The following ZNF639 variants were observed in gnomAD, a reference collection of about 807,000 sequenced individuals.
ZNF639 encodes zinc finger amplified in esophageal squamous cell carcinomas 1.
A neutral mutation model predicts 39.8 loss-of-function variants in ZNF639; 20 were observed. That is an observed-to-expected ratio of 0.50 (90% CI 0.35 to 0.73). ZNF639 has a LOEUF of 0.73. Ranked by LOEUF, ZNF639 falls within the 30% of genes least tolerant of loss-of-function variation. The pLI, the probability that ZNF639 is intolerant of heterozygous loss-of-function variation, is 0.00. For synonymous variants in ZNF639, 176 were observed against 189.8 expected, an observed-to-expected ratio of 0.93 and a Z score of 0.60; for missense variants, 477 against 566.2, an observed-to-expected ratio of 0.84 and a Z score of 1.60.
rs1728108946 is a variant in ZNF639 at position 179,334,483 on chromosome 3, A to G, written c.*61A>G. The G allele has an allele frequency of 9.4e-6, 12 of 1,274,330 alleles. No homozygotes were observed. Among genetic ancestry groups the G allele is most frequent in the Non-Finnish European group, 1.3e-5 (12 of 949,038 alleles). The allele number at this position is 1,274,330 out of a possible 1,614,324, so 78.9% of individuals were successfully genotyped here. On this transcript the variant is annotated 3_prime_UTR_variant, in exon 6 of 6. Transcript: ENST00000496856. ...TAATAAATTCATCCTTTTTTTGGAG[A>G]TGATTAAATGGATGATTGTAAACAC...
rs1207504097 is a variant in ZNF639 at position 179,335,889 on chromosome 3, C to G, written c.*1467C>G. ...CATTGCAACCTCCGCCTCCCAGGTT[C>G]AAGTGATTCTGCTGCCTCAGCTTCC... On this transcript the variant is annotated 3_prime_UTR_variant, in exon 6 of 6. Coordinates refer to ENST00000496856, the MANE Select transcript of ZNF639 (RefSeq NM_001303426.2). 1 of 151,388 alleles carries G rather than the reference C, an allele frequency of 6.6e-6. No homozygotes were observed. Among genetic ancestry groups the G allele is most frequent in the South Asian group, 2.1e-4 (1 of 4,804 alleles). The allele number at this position is 151,388 out of a possible 1,614,324, so 9.4% of individuals were successfully genotyped here.
intron 5 of ZNF639, 38 bp downstream of exon 5, chr3:179,333,161 A>G (rs751866577): frequency 6.4e-7 from 1 of 1,568,974 alleles, no homozygotes; most frequent in African/African-American, 1.4e-5. Flanking sequence ...TATATTTTGT[A>G]TTGGTGAATT....
At chr3:179,324,952 A>C (rs191686476) in intron 1 of ZNF639, 2 of 152,228 alleles carry the variant, frequency 1.3e-5, no homozygotes, top group African/African-American at 4.8e-5. Context: ...GAATGCAGTG[A>C]ATTGAGATGG....
At chr3:179,332,360 C>T (rs950340352) in intron 4 of ZNF639, among the ~76,000 whole-genome samples, 8 of 152,184 alleles carry the variant, frequency 5.3e-5, no homozygotes, top group Admixed American at 1.3e-4. Flanking sequence ...TGGTGGCTCA[C>T]GCCTGTAATC....
chr3:179,326,115 G>A (rs994984537), intron 1 of ZNF639, among the ~76,000 whole-genome samples: 7 of 152,116 alleles, frequency 4.6e-5, no homozygotes, highest in African/African-American at 1.4e-4. Flanking sequence ...CGGATCACTT[G>A]AGGTCAGGAG....
At chr3:179,323,736 C>G (rs993170448) in intron 1 of ZNF639, 2 of 152,256 alleles carry the variant, frequency 1.3e-5, no homozygotes, top group African/African-American at 4.8e-5. Context: ...GCTTCGTGAC[C>G]TCCGGCGGCG....
In ZNF639 at chr3:179,338,227, T is replaced by G. The variant is rs1417996517; in HGVS notation, c.*3805T>G. The stretch of plus-strand genomic sequence containing the variant: ...CAATTCAAGTCTGAGATTACCTAAC[T>G]GATGATGTTTATTAACACTTCAGTA... On this transcript the variant is annotated 3_prime_UTR_variant, in exon 6 of 6. Coordinates refer to ENST00000496856, the MANE Select transcript of ZNF639 (RefSeq NM_001303426.2). 1 of 152,220 alleles carries G rather than the reference T, an allele frequency of 6.6e-6. No homozygotes were observed. Among genetic ancestry groups the G allele is most frequent in the African/African-American group, 2.4e-5 (1 of 41,458 alleles). The allele number at this position is 152,220 out of a possible 1,614,324, so 9.4% of individuals were successfully genotyped here.
In ZNF639 at chr3:179,337,266, A is replaced by AG. The variant is rs1353686500; in HGVS notation, c.*2844_*2845insG. On this transcript the variant is annotated 3_prime_UTR_variant, in exon 6 of 6. Coordinates refer to ENST00000496856, the MANE Select transcript of ZNF639 (RefSeq NM_001303426.2). ...ACAGAGTGAGACTGTCTCAAAAAAA[A>AG]AAAAGAAAAGAAGAAAAGATTGCAA... 4.0e-5 allele frequency: 6 copies of AG among 151,496 alleles called. No individual in the cohort carries two copies. Among genetic ancestry groups the AG allele is most frequent in the Non-Finnish European group, 8.8e-5 (6 of 68,024 alleles). The allele number at this position is 151,496 out of a possible 1,614,324, so 9.4% of individuals were successfully genotyped here.
Position 179,337,242 on chromosome 3 carries a change from CAG to C in ZNF639, c.*2823_*2824del, listed in dbSNP as rs1420192557. ...CGCCACCACATTCCAGCCTGGGTGA[CAG>C]AGTGAGACTGTCTCAAAAAAAAAAA... On this transcript the variant is annotated 3_prime_UTR_variant, in exon 6 of 6. Transcript: ENST00000496856. 7.0e-6 allele frequency: 1 copy of C among 143,358 alleles called. No homozygotes were observed. Among genetic ancestry groups the C allele is most frequent in the East Asian group, 2.1e-4 (1 of 4,864 alleles). 8.9% of individuals were successfully genotyped at this position (143,358 alleles called of 1,614,324 possible). A position where few individuals can be genotyped will look rare whatever the true frequency, so the allele number is the denominator to read the frequency against.
intron 1 of ZNF639, among the ~76,000 whole-genome samples, 163 bp downstream of exon 1, chr3:179,323,454 C>T (rs569230062): frequency 1.4e-4 from 22 of 152,284 alleles, no homozygotes; most frequent in Admixed American, 6.5e-5. Flanking sequence ...CCTCCCCCAT[C>T]CCGAAGGCAG....
At position 179,335,979 on chromosome 3, in the gene ZNF639, CGG is replaced by C. The variant is rs1174831141; in HGVS notation, c.*1560_*1561del. Reference sequence around the variant, plus strand: ...GCTAATTTTGTATTTTTAGTAGAAACGGGGTTTCACCACGTTGGCCAGGCTGG... The same window carrying C: ...GCTAATTTTGTATTTTTAGTAGAAACGGTTTCACCACGTTGGCCAGGCTGG... On this transcript the variant is annotated 3_prime_UTR_variant, in exon 6 of 6. Coordinates refer to ENST00000496856, the MANE Select transcript of ZNF639 (RefSeq NM_001303426.2). 1.3e-5 allele frequency: 2 copies of C among 151,948 alleles called. No homozygotes were observed. The highest frequency in any genetic ancestry group is 2.9e-5 in the Non-Finnish European group (2 of 68,014). The allele number at this position is 151,948 out of a possible 1,614,324, so 9.4% of individuals were successfully genotyped here. A position where few individuals can be genotyped will look rare whatever the true frequency, so the allele number is the denominator to read the frequency against.
At chr3:179,329,446 A>G (rs1005937535) in intron 3 of ZNF639, among the ~76,000 whole-genome samples, 172 bp from the exon 4 acceptor site, 1 of 152,226 alleles carries the variant, frequency 6.6e-6, no homozygotes, top group Non-Finnish European at 1.5e-5. Context: ...TCAAAGTCCT[A>G]TGTCAATATT....
In ZNF639 at chr3:179,338,503, T is replaced by G. The variant is rs901720648; in HGVS notation, c.*4081T>G. 58 of 152,190 alleles carry G rather than the reference T, an allele frequency of 3.8e-4. No homozygotes were observed. The highest frequency in any genetic ancestry group is 1.4e-3 in the African/African-American group (56 of 41,444). The allele number at this position is 152,190 out of a possible 1,614,324, so 9.4% of individuals were successfully genotyped here. On this transcript the variant is annotated 3_prime_UTR_variant, in exon 6 of 6. Transcript: ENST00000496856. ...TGTCAATTTCACAGTTTCTATAATC[T>G]ATTGTTTGCTGAATTGTTACAGTCT...
In ZNF639 at chr3:179,336,676, C is replaced by T. The variant is rs1560184319; in HGVS notation, c.*2254C>T. The stretch of plus-strand genomic sequence containing the variant: ...ATGTAGATAGCTATGAGGCCAAGTA[C>T]ATATAACCAGTTATGTCTCATGGGA... On this transcript the variant is annotated 3_prime_UTR_variant, in exon 6 of 6. Transcript: ENST00000496856. 6.6e-6 allele frequency: 1 copy of T among 152,204 alleles called. No homozygotes were observed. The highest frequency in any genetic ancestry group is 1.9e-4 in the East Asian group (1 of 5,200). 9.4% of individuals were successfully genotyped at this position (152,204 alleles called of 1,614,324 possible). A position where few individuals can be genotyped will look rare whatever the true frequency, so the allele number is the denominator to read the frequency against.
upstream of ZNF639, chr3:179,322,996 AC>A (rs1441053957): frequency 1.0e-6 from 1 of 984,106 alleles, no homozygotes; most frequent in African/African-American, 1.8e-5. Flanking sequence ...CCCCCACCTC[AC>A]CTCGTCACCT....
At position 179,326,874 on chromosome 3, in the gene ZNF639, A is replaced by G. The variant is rs146183131; in HGVS notation, c.-82-687A>G. ...CTTTTATTTCTTAAATAAATAATCT[A>G]TAAGGGCTGTAACAGTTTAAAGTTT... On this transcript the variant is annotated intron_variant, in intron 1 of 5. Transcript: ENST00000496856. 2.7e-3 allele frequency among the ~76,000 whole-genome samples: 411 copies of G among 152,050 alleles called. 2 individuals are homozygous for G. Among genetic ancestry groups the G allele is most frequent in the African/African-American group, 9.3e-3 (387 of 41,490 alleles).
rs1206980700 is a variant in ZNF639 at position 179,336,150 on chromosome 3, GTCC to G, written c.*1733_*1735del. 4 of 152,056 alleles carry G rather than the reference GTCC, an allele frequency of 2.6e-5. No homozygotes were observed. Among genetic ancestry groups the G allele is most frequent in the East Asian group, 3.9e-4 (2 of 5,188 alleles). The allele number at this position is 152,056 out of a possible 1,614,324, so 9.4% of individuals were successfully genotyped here. On this transcript the variant is annotated 3_prime_UTR_variant, in exon 6 of 6. Coordinates refer to ENST00000496856, the MANE Select transcript of ZNF639 (RefSeq NM_001303426.2). ...TGATTGGATTAGGGCCCCTCCCAAT[GTCC>G]TCCTTTTAACTTAAAGACCTGATCT... is the stretch of plus-strand genomic sequence containing the variant.
At position 179,330,454 on chromosome 3, in the gene ZNF639, T is replaced by A. The variant is rs570632700; in HGVS notation, c.169+726T>A. Among the ~76,000 whole-genome samples the A allele has an allele frequency of 2.0e-3, 310 of 152,298 alleles. 1 individual carries two copies. Among genetic ancestry groups the A allele is most frequent in the African/African-American group, 6.8e-3 (284 of 41,562 alleles). On this transcript the variant is annotated intron_variant, in intron 4 of 5. Transcript: ENST00000496856. ...TGCACCACGATGCCTGGCTAATTTT[T>A]AAAAATTTTTTTGTAAAGACAGGGT...
intron 1 of ZNF639, among the ~76,000 whole-genome samples, chr3:179,325,866 G>C (rs184579969): frequency 6.6e-6 from 1 of 151,996 alleles, no homozygotes; most frequent in Admixed American, 6.6e-5. Flanking sequence ...GGGCGAAAGA[G>C]CGAGACTCTG....
Sources: gnomAD v4.1 joint callset for allele counts (sites outside exome capture counted in the v4.1 genomes callset) on GRCh38, gnomAD v4.1.1 for gene constraint, MANE v1.5 for transcripts, NCBI Gene and HGNC (gene_info 2026-07-23, HGNC 2026-07-21) for gene names.